KDM6B: variants seen among roughly 807,000 people sequenced by gnomAD.
KDM6B encodes the protein lysine demethylase 6B.
KDM6B carries 22 observed loss-of-function variants against 150.4 expected under a neutral mutation model. The ratio of observed to expected loss-of-function variants is 0.15; its 90% confidence interval spans 0.10 to 0.21. The LOEUF (loss-of-function observed/expected upper bound fraction) is 0.21. KDM6B is among the 10% of genes least tolerant of loss of function. The pLI is 1.00. For synonymous variants in KDM6B, 1,148 were observed against 921.1 expected, an observed-to-expected ratio of 1.25 and a Z score of -4.46; for missense variants, 1,984 against 2,234.3, an observed-to-expected ratio of 0.89 and a Z score of 2.26.
Position 7,846,852 on chromosome 17 carries a change from C to T in KDM6B, c.745C>T (p.Pro249Ser). The T allele has an allele frequency of 6.4e-7, 1 of 1,558,272 alleles. No individual in the cohort carries two copies. The highest frequency in any genetic ancestry group is 8.7e-7 in the Non-Finnish European group (1 of 1,153,824). The change falls in exon 10 of 24, where the codon CCA becomes TCA. Residue 249 changes from proline (P) to serine (S), a missense_variant. Around this residue, in one of 13 missense-constraint regions of KDM6B, gnomAD observed 337 missense variants for 323.9 expected, o/e 1.04. Coordinates refer to ENST00000448097, the MANE Select transcript of KDM6B (RefSeq NM_001348716.2). ...TCCCCCAGGGCTGCCACTGCCTCCA[C>T]CACCATTACCACCACCACCACCACC... ...GLPPGLPLPPPPLPPPPPPPP... is the reference protein window; with the variant it reads ...GLPPGLPLPPSPLPPPPPPPP...
At chr17:7,839,142 T>C (rs1271376977) in intron 1 of KDM6B, among the ~76,000 whole-genome samples, 2 of 152,112 alleles carry the variant, frequency 1.3e-5, no homozygotes, top group Non-Finnish European at 2.9e-5. Context: ...CCAACTTAGC[T>C]CTGACCCCTG....
rs1597857446 is a variant in KDM6B, at chr17:7,852,051, C to T, written c.4266C>T (p.Ser1422=). 6.2e-7 allele frequency: 1 copy of T among 1,614,014 alleles called. No individual in the cohort carries two copies. The highest frequency in any genetic ancestry group is 8.5e-7 in the Non-Finnish European group (1 of 1,179,968). Residue 1422 remains serine, a synonymous_variant, in exon 19 of 24, where the codon AGC becomes AGT. Coordinates refer to ENST00000448097, the MANE Select transcript of KDM6B (RefSeq NM_001348716.2). Reference sequence around the variant, plus strand: ...ACGAGCACTACTGGGAGACCATCAGCGCTTTCTGTGATCGGTGCGTGCCGT... The same window carrying T: ...ACGAGCACTACTGGGAGACCATCAGTGCTTTCTGTGATCGGTGCGTGCCGT... ...AVHEHYWETI[S]AFCDRHGVDY...
chr17:7,853,518 A>G lies in KDM6B; in HGVS notation c.4929A>G (p.Arg1643=), dbSNP rs1419601976. The change falls in exon 24 of 24, where the codon CGA becomes CGG. Residue 1643 remains arginine (R), a synonymous_variant. Coordinates refer to ENST00000448097, the MANE Select transcript of KDM6B (RefSeq NM_001348716.2). ...AFTLAPASTS[R] is the part of the protein sequence containing the mutation. ...CCCAGGCCCCAGCCAGCACGTCGCG[A>G]TGAGGCCGGACGCCCCGCCCGCCTG... 6.7e-6 allele frequency: 10 copies of G among 1,501,764 alleles called. No individual in the cohort carries two copies. The East Asian group carries it at 1.8e-4, about 27-fold the overall frequency. The allele number at this position is 1,501,764 out of a possible 1,614,324, so 93.0% of individuals were successfully genotyped here. A position where few individuals can be genotyped will look rare whatever the true frequency, so the allele number is the denominator to read the frequency against.
rs759085327 is a variant in KDM6B at position 7,846,312 on chromosome 17, G to T, written c.456+15G>T. 1 of 1,608,452 alleles carries T rather than the reference G, an allele frequency of 6.2e-7. No homozygotes were observed. Among genetic ancestry groups the T allele is most frequent in the Admixed American group, 1.7e-5 (1 of 59,298 alleles). On this transcript the variant is annotated intron_variant, in intron 7 of 23. Coordinates refer to ENST00000448097, the MANE Select transcript of KDM6B (RefSeq NM_001348716.2). ...GACTGCAGCAGGTAGGAGAAGGCAGGGCGTGGGGGACGGGATTGTACGATT... is the reference window on the plus strand; with the variant it reads ...GACTGCAGCAGGTAGGAGAAGGCAGTGCGTGGGGGACGGGATTGTACGATT...
rs1320331934 is a variant in KDM6B at position 7,852,634 on chromosome 17, C to A, written c.4608C>A (p.Ile1536=). The part of the protein sequence containing the change: ...KISDPDLFKM[I]KFCLLQSMKH... Reference sequence around the variant, plus strand: ...GCGACCCCGACTTGTTCAAGATGATCAAGTGAGGACCCTATTTGGGTGGGA... The same window carrying A: ...GCGACCCCGACTTGTTCAAGATGATAAAGTGAGGACCCTATTTGGGTGGGA... Residue 1536 remains isoleucine (I), a splice_region_variant and synonymous_variant, in exon 21 of 24, where the codon ATC becomes ATA. Coordinates refer to ENST00000448097, the MANE Select transcript of KDM6B (RefSeq NM_001348716.2). 1.2e-6 allele frequency: 2 copies of A among 1,613,962 alleles called. No individual in the cohort carries two copies. The highest frequency in any genetic ancestry group is 1.3e-5 in the African/African-American group (1 of 74,950).
rs148573983 is a variant in KDM6B, at chr17:7,848,716, G to A, written c.2428G>A (p.Val810Met). Residue 810 changes from valine (V) to methionine (M), a missense_variant, in exon 12 of 24, where the codon GTG becomes ATG. By Grantham distance (21) the Val-to-Met change is conservative (BLOSUM62 1). This residue lies in a region of KDM6B where 1,379 missense variants were observed against 1,275.6 expected (regional missense o/e 1.08). Transcript: ENST00000448097. Reference protein sequence around the residue: ...PASLLKSLASVLEGQKYCYRG... With the variant: ...PASLLKSLASMLEGQKYCYRG... Reference sequence around the variant, plus strand: ...CAGCCTGCTCAAATCCTTGGCCTCCGTGCTGGAGGGACAAAAGTACTGTTA... The same window carrying A: ...CAGCCTGCTCAAATCCTTGGCCTCCATGCTGGAGGGACAAAAGTACTGTTA... The A allele has an allele frequency of 8.1e-6, 13 of 1,612,336 alleles. No individual in the cohort carries two copies. Among genetic ancestry groups the A allele is most frequent in the African/African-American group, 4.0e-5 (3 of 74,648 alleles).
chr17:7,846,766 CAG>C, intron 9 of KDM6B, 26 bp downstream of exon 9: 1 of 1,613,952 alleles, frequency 6.2e-7, no homozygotes, highest in Non-Finnish European at 8.5e-7. Context: ...GGCCAGCAGG[CAG>C]TAAGTAGGCA....
chr17:7,838,583 T>A (rs2078368407), intron 1 of KDM6B, among the ~76,000 whole-genome samples: 1 of 132,054 alleles, frequency 7.6e-6, no homozygotes, highest in African/African-American at 3.0e-5. Context: ...CCCACTCTGT[T>A]GTCCAGACAC....
At chr17:7,851,822 A>T in intron 18 of KDM6B, 26 bp downstream of exon 18, 2 of 1,558,306 alleles carry the variant, frequency 1.3e-6, no homozygotes, top group South Asian at 1.2e-5. Context: ...GTGCGCGCTG[A>T]TGCTGGAAGC....
rs554182977 is a variant in KDM6B, at chr17:7,846,448, G to T, written c.505G>T (p.Val169Phe). 139 of 1,576,644 alleles carry T rather than the reference G, an allele frequency of 8.8e-5. No individual in the cohort carries two copies. In the East Asian group the frequency reaches 3.1e-3, roughly 35 times the overall value. ...HTGSCQHRAK[V>F]LPPLEQVWNL... ...TGGCTCCTGCCAGCACCGAGCCAAG[G>T]TCCTGCCCCCACTGGAGCAAGTGTG... The change falls in exon 8 of 24, where the codon GTC (valine) becomes TTC (phenylalanine). Residue 169 changes from valine (V) to phenylalanine (F), a missense_variant. By Grantham distance (50) the Val-to-Phe change is conservative. Transcript: ENST00000448097.
rs1241798102 is a variant in KDM6B, at chr17:7,847,962, T to C, written c.1674T>C (p.Ser558=). The C allele has an allele frequency of 1.9e-6, 3 of 1,605,948 alleles. No individual in the cohort carries two copies. The highest frequency in any genetic ancestry group is 2.5e-6 in the Non-Finnish European group (3 of 1,177,776). The change falls in exon 12 of 24, where the codon AGT becomes AGC. Residue 558 remains serine (S), a synonymous_variant. Transcript: ENST00000448097. ...TPTTSSSNSN[S]GSHSSSPAGP... is the part of the protein sequence containing the mutation. ...CCACCAGCAGTAGCAACAGCAACAG[T>C]GGCAGCCACAGCAGCAGCCCTGCTG...
At chr17:7,852,462 G>T in intron 20 of KDM6B, 33 bp from the exon 21 acceptor site, 1 of 1,603,408 alleles carries the variant, frequency 6.2e-7, no homozygotes, top group Non-Finnish European at 8.5e-7. Context: ...GGGGCTGTTT[G>T]AGAGTCCTGT....
In KDM6B at chr17:7,852,458, G is replaced by A; in HGVS notation, c.4469-37G>A. On this transcript the variant is annotated intron_variant, in intron 20 of 23. Transcript: ENST00000448097. ...GCTTGGGCCTAGGTGTCTGGGGGCT[G>A]TTTGAGAGTCCTGTTGTGATCGCCT... 3 of 1,601,184 alleles carry A rather than the reference G, an allele frequency of 1.9e-6. No homozygotes were observed. In the African/African-American group the frequency reaches 4.0e-5, roughly 21 times the overall value.
At position 7,846,826 on chromosome 17, in the gene KDM6B, T is replaced by A. The variant is rs749388418; in HGVS notation, c.719T>A (p.Leu240His). The A allele has an allele frequency of 3.5e-5, 56 of 1,612,362 alleles. No homozygotes were observed. Among genetic ancestry groups the A allele is most frequent in the Non-Finnish European group, 4.6e-5 (54 of 1,179,762 alleles). The change falls in exon 10 of 24, where the codon CTT becomes CAT. Residue 240 changes from leucine (L) to histidine (H), a missense_variant. Around this residue, in one of 13 missense-constraint regions of KDM6B, gnomAD observed 337 missense variants for 323.9 expected, o/e 1.04. Coordinates refer to ENST00000448097, the MANE Select transcript of KDM6B (RefSeq NM_001348716.2). ...RRGCNSEQTG[L>H]PPGLPLPPPP... ...CACTCTCTTCTCTCCTAGACTGGCC[T>A]TCCCCCAGGGCTGCCACTGCCTCCA...
At position 7,848,939 on chromosome 17, in the gene KDM6B, C is replaced by T. The variant is rs200066890; in HGVS notation, c.2651C>T (p.Ala884Val). ...GGGCCCTGGGCCCGGGAGCGCAGGG[C>T]GGGCGAAGAGCCAGTCCCGGGCCCC... ...SGGPWARERR[A>V]GEEPVPGPMT... The change falls in exon 12 of 24, where the codon GCG (alanine) becomes GTG (valine). Residue 884 changes from alanine to valine, a missense_variant. This residue lies in a region of KDM6B where 1,379 missense variants were observed against 1,275.6 expected (regional missense o/e 1.08). Coordinates refer to ENST00000448097, the MANE Select transcript of KDM6B (RefSeq NM_001348716.2). 1.1e-4 allele frequency: 175 copies of T among 1,596,544 alleles called. No individual in the cohort carries two copies. The East Asian group carries it at 1.8e-3, about 17-fold the overall frequency.
At position 7,848,828 on chromosome 17, in the gene KDM6B, C is replaced by T; in HGVS notation, c.2540C>T (p.Ala847Val). Residue 847 changes from alanine (A) to valine (V), a missense_variant, in exon 12 of 24, where the codon GCC (alanine) becomes GTC (valine). Physicochemically the swap from Ala to Val is moderately conservative, Grantham distance 64. Transcript: ENST00000448097. ...CCTGGCCCCCCATCAGGTGCTACCG[C>T]CCTGCCGCCCACCTCAGCGGCCCCT... The part of the protein sequence containing the change: ...YSPGPPSGAT[A>V]LPPTSAAPSA... 6.2e-7 allele frequency: 1 copy of T among 1,612,612 alleles called. No homozygotes were observed. The highest frequency in any genetic ancestry group is 8.5e-7 in the Non-Finnish European group (1 of 1,179,896).
chr17:7,837,170 G>A (rs2078345194), intron 1 of KDM6B, among the ~76,000 whole-genome samples: 1 of 152,170 alleles, frequency 6.6e-6, no homozygotes, highest in South Asian at 2.1e-4. Context: ...CATAGAAAAA[G>A]CTACCTAGCC....
chr17:7,848,177 C>T lies in KDM6B; in HGVS notation c.1889C>T (p.Pro630Leu). ...TTCAGGCGCCCGGAGAGCCCCCGGCCCAGGGTCTCCTTCCCAAAGACCCCC... is the reference window on the plus strand; with the variant it reads ...TTCAGGCGCCCGGAGAGCCCCCGGCTCAGGGTCTCCTTCCCAAAGACCCCC... The part of the protein sequence containing the change: ...GSFRRPESPR[P>L]RVSFPKTPEV... The change falls in exon 12 of 24, where the codon CCC becomes CTC. Residue 630 changes from proline (P) to leucine (L), a missense_variant. This residue lies in a region of KDM6B where 1,379 missense variants were observed against 1,275.6 expected (regional missense o/e 1.08). Coordinates refer to ENST00000448097, the MANE Select transcript of KDM6B (RefSeq NM_001348716.2). The T allele has an allele frequency of 6.2e-7, 1 of 1,612,620 alleles. No individual in the cohort carries two copies. The highest frequency in any genetic ancestry group is 8.5e-7 in the Non-Finnish European group (1 of 1,179,868).
In KDM6B at chr17:7,846,884, ACCAC is replaced by A; in HGVS notation, c.779_782del (p.Pro260HisfsTer16). 7.6e-7 allele frequency: 1 copy of A among 1,311,412 alleles called. No homozygotes were observed. Among genetic ancestry groups the A allele is most frequent in the South Asian group, 1.2e-5 (1 of 85,812 alleles). 81.2% of individuals were successfully genotyped at this position (1,311,412 alleles called of 1,614,324 possible). A position where few individuals can be genotyped will look rare whatever the true frequency, so the allele number is the denominator to read the frequency against. On this transcript the variant is annotated frameshift_variant, in exon 10 of 24. Coordinates refer to ENST00000448097, the MANE Select transcript of KDM6B (RefSeq NM_001348716.2). LOFTEE classifies it high-confidence loss of function. ...TACCACCACCACCACCACCACCACC[ACCAC>A]CACCACCACCCCTGCCTGGCCTGGC...
Sources: allele counts gnomAD v4.1 joint callset (sites outside exome capture counted in the v4.1 genomes callset), GRCh38; gene constraint gnomAD v4.1.1; regional missense constraint gnomAD v4.1.1; transcripts MANE v1.5; gene names NCBI Gene and HGNC (gene_info 2026-07-23, HGNC 2026-07-21).